The following XKR4 variants were observed in gnomAD, a reference collection of about 807,000 sequenced individuals.
XKR4 encodes the protein XK related 4, also known as XK-related protein 4.
XKR4 carries 12 observed loss-of-function variants against 53.9 expected under a neutral mutation model. That is an observed-to-expected ratio of 0.22 (90% CI 0.14 to 0.36). XKR4 has a LOEUF of 0.36. XKR4 is among the 10% of genes least tolerant of loss of function. The probability of loss-of-function intolerance (pLI) is 1.00; values close to 1 mark genes in which losing one functional copy is unlikely to be tolerated. For synonymous variants in XKR4, 354 were observed against 362.4 expected (o/e 0.98, Z 0.26); for missense variants, 799 against 859.5 (o/e 0.93, Z 0.88).
intron 1 of XKR4, among the ~76,000 whole-genome samples, chr8:55,339,840 G>A (rs1352487067): frequency 6.6e-6 from 1 of 152,040 alleles, no homozygotes; most frequent in Non-Finnish European, 1.5e-5. Context: ...ATAGGAATGT[G>A]TTAGATTTTT....
intron 1 of XKR4, among the ~76,000 whole-genome samples, chr8:55,286,893 A>G (rs1380414557): frequency 6.6e-6 from 1 of 152,230 alleles, no homozygotes; most frequent in Non-Finnish European, 1.5e-5. Context: ...TTCTAATGAA[A>G]GATACATAAA....
chr8:55,105,906 G>T (rs191531483), intron 1 of XKR4, among the ~76,000 whole-genome samples: 1 of 152,130 alleles, frequency 6.6e-6, no homozygotes, highest in South Asian at 2.1e-4. Context: ...GGGAGTAGAC[G>T]CATCTTTGCT....
chr8:55,451,399 C>T (rs372403853), intron 2 of XKR4: 4 of 869,308 alleles, frequency 4.6e-6, no homozygotes, highest in Non-Finnish European at 7.4e-6. Flanking sequence ...AAGTGTGTTG[C>T]GTCCGGACGC....
intron 1 of XKR4, among the ~76,000 whole-genome samples, chr8:55,202,991 A>G (rs989855513): frequency 6.6e-6 from 1 of 152,218 alleles, no homozygotes; most frequent in Admixed American, 6.5e-5. Context: ...AGTTGCAGGC[A>G]TTTGAAAGAC....
intron 2 of XKR4, among the ~76,000 whole-genome samples, chr8:55,403,937 C>A (rs1008314895): frequency 2.0e-5 from 3 of 152,206 alleles, no homozygotes; most frequent in South Asian, 2.1e-4. Flanking sequence ...CCTGGCTGCA[C>A]CCCTTCCAAC....
intron 1 of XKR4, among the ~76,000 whole-genome samples, chr8:55,131,248 G>A (rs73596964): frequency 0.29 from 43,300 of 151,918 alleles, 7,066 homozygotes; most frequent in African/African-American, 0.45. Flanking sequence ...GCATTTTAAT[G>A]TGTTCCTCAG....
At chr8:55,350,738 C>CTTTTTTTTTTTTTTT (rs1028164969) in intron 1 of XKR4, among the ~76,000 whole-genome samples, 8 of 122,444 alleles carry the variant, frequency 6.5e-5, no homozygotes, top group South Asian at 5.4e-4. Context: ...TTTTTCTTTT[C>CTTTTTTTTTTTTTTT]TTTTTTTTTT....
chr8:55,286,016 CTG>C (rs1401039993), intron 1 of XKR4, among the ~76,000 whole-genome samples: 2 of 152,230 alleles, frequency 1.3e-5, no homozygotes, highest in African/African-American at 4.8e-5. Flanking sequence ...TTCTCACCTA[CTG>C]TGTGTATAAG....
At chr8:55,162,907 A>G (rs933588609) in intron 1 of XKR4, among the ~76,000 whole-genome samples, 2 of 152,228 alleles carry the variant, frequency 1.3e-5, no homozygotes, top group Admixed American at 6.5e-5. Flanking sequence ...ATCCCTGAAC[A>G]TATATATGGG....
chr8:55,398,955 G>A (rs1804560813), intron 2 of XKR4, among the ~76,000 whole-genome samples: 1 of 152,126 alleles, frequency 6.6e-6, no homozygotes, highest in South Asian at 2.1e-4. Context: ...CAAAAGTTTT[G>A]ATGTCTGTTG....
Position 55,103,075 on chromosome 8 carries a change from T to C in XKR4, c.587T>C (p.Val196Ala). Residue 196 changes from valine to alanine, a missense_variant, in exon 1 of 3, where the codon GTC becomes GCC. Physicochemically the swap from Val to Ala is moderately conservative, Grantham distance 64. This residue lies in a region of XKR4 where 476 missense variants were observed against 505.4 expected (regional missense o/e 0.94). Transcript: ENST00000327381. Reference sequence around the variant, plus strand: ...CCTGGAGCCGATTGCAAGACGGTGGTCGGCGGTGGGTCTGCAGCCGGGGAA... The same window carrying C: ...CCTGGAGCCGATTGCAAGACGGTGGCCGGCGGTGGGTCTGCAGCCGGGGAA... ...PQPGADCKTV[V>A]GGGSAAGEGE... 6.2e-7 allele frequency: 1 copy of C among 1,612,872 alleles called. No homozygotes were observed. Among genetic ancestry groups the C allele is most frequent in the Non-Finnish European group, 8.5e-7 (1 of 1,179,740 alleles).
chr8:55,391,464 A>G (rs772053037), intron 2 of XKR4, among the ~76,000 whole-genome samples: 2 of 152,254 alleles, frequency 1.3e-5, no homozygotes, highest in Non-Finnish European at 2.9e-5. Flanking sequence ...TCTGTGTTCC[A>G]ATTGGAGCAA....
At chr8:55,417,455 C>T (rs997333583) in intron 2 of XKR4, among the ~76,000 whole-genome samples, 2 of 152,154 alleles carry the variant, frequency 1.3e-5, no homozygotes, top group Non-Finnish European at 2.9e-5. Context: ...CATATAGTTG[C>T]TTAGATTTTT....
At chr8:55,283,872 A>C (rs1818872289) in intron 1 of XKR4, among the ~76,000 whole-genome samples, 1 of 152,196 alleles carries the variant, frequency 6.6e-6, no homozygotes, top group African/African-American at 2.4e-5. Context: ...GACATTACCA[A>C]GAAAGAGCAA....
At chr8:55,452,435 C>G in intron 2 of XKR4, 1 of 623,874 alleles carries the variant, frequency 1.6e-6, no homozygotes, top group South Asian at 1.7e-5. Flanking sequence ...CTGGCCACCC[C>G]GCACTGCCCG....
chr8:55,110,702 T>C (rs186186825), intron 1 of XKR4, among the ~76,000 whole-genome samples: 10 of 152,316 alleles, frequency 6.6e-5, no homozygotes, highest in Admixed American at 5.2e-4. Flanking sequence ...GCTGATAGAA[T>C]AGTCAGGGTG....
intron 2 of XKR4, among the ~76,000 whole-genome samples, chr8:55,416,401 T>A (rs1032969734): frequency 6.6e-6 from 1 of 152,230 alleles, no homozygotes; most frequent in African/African-American, 2.4e-5. Context: ...CACCATGTAA[T>A]CTTACCCTAC....
chr8:55,513,619 A>G (rs984069262), intron 2 of XKR4, among the ~76,000 whole-genome samples: 1 of 152,168 alleles, frequency 6.6e-6, no homozygotes, highest in Admixed American at 6.5e-5. Flanking sequence ...TCCCTTTTCA[A>G]GAGGTTTATT....
At chr8:55,163,764 G>C (rs926494158) in intron 1 of XKR4, among the ~76,000 whole-genome samples, 2 of 152,134 alleles carry the variant, frequency 1.3e-5, no homozygotes, top group Non-Finnish European at 2.9e-5. Flanking sequence ...AGAATCGGTT[G>C]AACTCAGGAG....
Sources: allele counts gnomAD v4.1 joint callset (sites outside exome capture counted in the v4.1 genomes callset), GRCh38; gene constraint gnomAD v4.1.1; regional missense constraint gnomAD v4.1.1; transcripts MANE v1.5; gene names NCBI Gene and HGNC (gene_info 2026-07-23, HGNC 2026-07-21).